The following MCF2 variants were observed in gnomAD, a reference collection of about 807,000 sequenced individuals.
MCF2 encodes MCF.2 cell line derived transforming sequence.
In MCF2, 44 loss-of-function variants were observed where a neutral mutation model predicts 82.5. The observed-to-expected ratio is 0.53, with a 90% confidence interval of 0.42 to 0.69. MCF2 has a LOEUF of 0.69. MCF2 is among the 30% of genes least tolerant of loss of function. The pLI is 0.00. For missense variants in MCF2, 623 were observed against 663.1 expected, an observed-to-expected ratio of 0.94 and a Z score of 0.66; for synonymous variants, 217 against 224.9, an observed-to-expected ratio of 0.96 and a Z score of 0.32.
At chrX:139,619,335 T>C (rs1454423541) in intron 7 of MCF2, among the ~76,000 whole-genome samples, 1 of 110,297 alleles carries the variant, frequency 9.1e-6, no homozygotes, top group Non-Finnish European at 1.9e-5. Context: ...AATGTTGTTA[T>C]GATGGGAGGA....
At chrX:139,699,464 G>A (rs1029561676) in intron 1 of MCF2, among the ~76,000 whole-genome samples, 30 of 111,743 alleles carry the variant, frequency 2.7e-4, no homozygotes, top group African/African-American at 5.5e-4. Context: ...ACATCTCATC[G>A]TCCCCAAAAG....
chrX:139,631,401 G>A, exon 3 of MCF2: 1 of 1,171,067 alleles, frequency 8.5e-7, no homozygotes, highest in East Asian at 3.0e-5. Flanking sequence ...ATACATTTCT[G>A]AAGATGATCC....
intron 10 of MCF2, among the ~76,000 whole-genome samples, chrX:139,612,930 T>C (rs772465232): frequency 8.9e-6 from 1 of 112,238 alleles, no homozygotes; most frequent in Admixed American, 9.5e-5. Context: ...AAAGAAGGCC[T>C]GATTCATTTT....
At chrX:139,602,265 G>T (rs997801493) in intron 16 of MCF2, 141 bp downstream of exon 20, 17 of 487,352 alleles carry the variant, frequency 3.5e-5, no homozygotes, top group Non-Finnish European at 5.7e-5. Context: ...GTGTGTGTTG[G>T]GGGGGAGGGT....
At chrX:139,630,940 T>G (rs1426742549) in intron 3 of MCF2, among the ~76,000 whole-genome samples, 1 of 112,332 alleles carries the variant, frequency 8.9e-6, no homozygotes, top group African/African-American at 3.2e-5. Flanking sequence ...ACATTTTACT[T>G]TTGCTATCTC....
intron 8 of MCF2, among the ~76,000 whole-genome samples, chrX:139,616,979 T>A (rs1169995465): frequency 8.9e-6 from 1 of 111,774 alleles, no homozygotes; most frequent in Non-Finnish European, 1.9e-5. Context: ...TACCCCTATT[T>A]TATATTCCAC....
At chrX:139,616,425 T>C (rs1931903891) in exon 9 of MCF2, 1 of 1,176,044 alleles carries the variant, frequency 8.5e-7, no homozygotes, top group Non-Finnish European at 1.1e-6. Context: ...AACTTATCTA[T>C]TTCCTGATTA....
intron 19 of MCF2, among the ~76,000 whole-genome samples, chrX:139,595,223 C>A (rs752980681): frequency 1.4e-4 from 15 of 108,921 alleles, no homozygotes; most frequent in African/African-American, 4.4e-4. Flanking sequence ...CATCCCATTA[C>A]TGGGTATATA....
intron 1 of MCF2, among the ~76,000 whole-genome samples, chrX:139,700,857 G>T (rs1036844252): frequency 2.7e-5 from 3 of 112,022 alleles, no homozygotes; most frequent in African/African-American, 6.5e-5. Context: ...GGATGAGGTG[G>T]GAGATAGGCT....
chrX:139,702,278 T>A (rs1935514184), intron 1 of MCF2: 1 of 112,479 alleles, frequency 8.9e-6, no homozygotes, highest in Non-Finnish European at 1.9e-5. Context: ...ACGTCTTTTT[T>A]TCCCTTCATG....
intron 9 of MCF2, among the ~76,000 whole-genome samples, chrX:139,615,803 C>T (rs1281075035): frequency 5.4e-5 from 6 of 111,915 alleles, no homozygotes; most frequent in Non-Finnish European, 1.1e-4. Flanking sequence ...CCTGTTAACA[C>T]CAACTTCTGC....
intron 1 of MCF2, among the ~76,000 whole-genome samples, chrX:139,699,730 T>C (rs1043451121): frequency 4.4e-5 from 5 of 112,484 alleles, no homozygotes; most frequent in Non-Finnish European, 9.4e-5. Flanking sequence ...CTAGACCATA[T>C]TTTGTTTATT....
At chrX:139,606,486 T>C (rs1448578908) in intron 12 of MCF2, among the ~76,000 whole-genome samples, 1 of 110,642 alleles carries the variant, frequency 9.0e-6, no homozygotes, top group Non-Finnish European at 1.9e-5. Flanking sequence ...GCCTCCCTAG[T>C]GGCTGGGATT....
intron 1 of MCF2, among the ~76,000 whole-genome samples, chrX:139,683,524 C>T (rs189385268): frequency 4.5e-5 from 5 of 111,827 alleles, no homozygotes; most frequent in African/African-American, 1.6e-4. Context: ...CCTGGAATAA[C>T]CAAAGCAATC....
At chrX:139,704,219 T>A (rs1935550786) in intron 1 of MCF2, among the ~76,000 whole-genome samples, 1 of 111,901 alleles carries the variant, frequency 8.9e-6, no homozygotes, top group Non-Finnish European at 1.9e-5. Flanking sequence ...CCACTCCTAT[T>A]CAACATAGTA....
intron 1 of MCF2, among the ~76,000 whole-genome samples, chrX:139,703,494 TG>T (rs1409458506): frequency 8.9e-6 from 1 of 111,966 alleles, no homozygotes; most frequent in Non-Finnish European, 1.9e-5. Flanking sequence ...CCCAGCAATT[TG>T]GCAGGCCGAG....
intron 1 of MCF2, among the ~76,000 whole-genome samples, chrX:139,659,848 G>A (rs1216230602): frequency 1.8e-5 from 2 of 112,151 alleles, no homozygotes; most frequent in African/African-American, 6.5e-5. Flanking sequence ...GACTGAGAAA[G>A]TGTAGTAAAT....
At chrX:139,621,631 G>T (rs1301775226) in intron 6 of MCF2, among the ~76,000 whole-genome samples, 1 of 111,624 alleles carries the variant, frequency 9.0e-6, no homozygotes, top group Non-Finnish European at 1.9e-5. Flanking sequence ...AATGGGGAAA[G>T]GATTCCCTAT....
chrX:139,606,567 C>T (rs1403500999), intron 12 of MCF2, among the ~76,000 whole-genome samples: 1 of 111,272 alleles, frequency 9.0e-6, no homozygotes, highest in Non-Finnish European at 1.9e-5. Context: ...CCATGTTTGT[C>T]AGGCTGGTCT....
Sources: gnomAD v4.1 joint callset for allele counts (sites outside exome capture counted in the v4.1 genomes callset) on GRCh38, gnomAD v4.1.1 for gene constraint, MANE v1.5 for transcripts, NCBI Gene and HGNC (gene_info 2026-07-23, HGNC 2026-07-21) for gene names.